Variants in SYMPK observed in about 807,000 individuals in gnomAD.
The protein encoded by SYMPK is symplekin.
Under a neutral mutation model 136.4 loss-of-function variants are expected in SYMPK, and 49 were observed. The observed-to-expected ratio is 0.36, with a 90% CI of 0.29 to 0.46. The LOEUF is 0.46. Ranked by LOEUF, SYMPK falls within the 20% of genes least tolerant of loss-of-function variation. The pLI, the probability that SYMPK is intolerant of heterozygous loss-of-function variation, is 1.00. For missense variants in SYMPK, 1,365 were observed against 1,690.0 expected (o/e 0.81, Z 3.37); for synonymous variants, 766 against 713.0 (o/e 1.07, Z -1.19).
rs576342057 is a variant in SYMPK at position 45,846,394 on chromosome 19, T to C, written c.676+1358A>G. On this transcript the variant is annotated intron_variant, in intron 7 of 26. Transcript: ENST00000245934. Reference sequence around the variant, plus strand: ...TTAAGTCAAAAAGGCTGTCAAACAATACATAAGAATAGTTAATATTTATGG... The same window carrying C: ...TTAAGTCAAAAAGGCTGTCAAACAACACATAAGAATAGTTAATATTTATGG... Among the ~76,000 whole-genome samples the C allele has an allele frequency of 1.6e-4, 25 of 152,312 alleles. No individual in the cohort carries two copies. The South Asian group carries it at 4.3e-3, about 26-fold the overall frequency.
At chr19:45,831,121 C>A in intron 12 of SYMPK, 1 of 330,230 alleles carries the variant, frequency 3.0e-6, no homozygotes, top group Non-Finnish European at 5.4e-6. Flanking sequence ...TTCTTTGATC[C>A]TTATGAGAAA....
chr19:45,817,879 T>G (rs1600488506), intron 23 of SYMPK, 80 bp downstream of exon 23: 2 of 1,405,640 alleles, frequency 1.4e-6, no homozygotes, highest in Non-Finnish European at 1.9e-6. Context: ...CCCTCCGGGG[T>G]CAGACGGGGG....
intron 4 of SYMPK, 21 bp from the exon 5 acceptor site, chr19:45,852,406 G>C (rs1320970698): frequency 6.2e-7 from 1 of 1,614,224 alleles, no homozygotes; most frequent in Admixed American, 1.7e-5. Context: ...TAGAGAGAAA[G>C]TGGATCAGGG....
intron 1 of SYMPK, among the ~76,000 whole-genome samples, chr19:45,857,082 C>A (rs551004707): frequency 6.6e-6 from 1 of 151,256 alleles, no homozygotes; most frequent in East Asian, 2.0e-4. Flanking sequence ...CACGCCACTG[C>A]ACTCCAGCCT....
At chr19:45,838,382 TGTGAA>T (rs1290765556) in intron 10 of SYMPK, 74 bp downstream of exon 10, 2 of 1,497,918 alleles carry the variant, frequency 1.3e-6, no homozygotes, top group Admixed American at 2.0e-5. Context: ...AGGTGGATGG[TGTGAA>T]GTGGAGGCAG....
At position 45,815,705 on chromosome 19, in the gene SYMPK, C is replaced by A. The variant is rs3810331; in HGVS notation, c.3688-8G>T. The A allele has an allele frequency of 0.87, 1,398,697 of 1,607,876 alleles. 608,951 individuals are homozygous for A. Among genetic ancestry groups the A allele is most frequent in the African/African-American group, 0.91 (68,165 of 74,830 alleles). ...CCCGCCCGCTGCCGTCTCCTGGTGA[C>A]CGGGGAAGGAAAGGGCAGCCGGGTG... On this transcript the variant is annotated splice_polypyrimidine_tract_variant and splice_region_variant and intron_variant, in intron 26 of 26. Transcript: ENST00000245934.
chr19:45,859,019 C>G (rs1418637876), intron 1 of SYMPK, among the ~76,000 whole-genome samples: 1 of 152,154 alleles, frequency 6.6e-6, no homozygotes, highest in African/African-American at 2.4e-5. Flanking sequence ...GCAATCCACC[C>G]TCCTTGGCCT....
chr19:45,846,835 C>T (rs144476211), intron 7 of SYMPK, among the ~76,000 whole-genome samples: 2 of 151,644 alleles, frequency 1.3e-5, no homozygotes, highest in African/African-American at 4.8e-5. Context: ...ATTCTGTCAC[C>T]CAGGCTGGAG....
chr19:45,834,826 A>C (rs936591967), intron 11 of SYMPK, among the ~76,000 whole-genome samples: 15 of 152,236 alleles, frequency 9.9e-5, no homozygotes, highest in African/African-American at 3.6e-4. Context: ...AGGTTAACTA[A>C]CTTGACCAAA....
chr19:45,831,656 G>T, intron 11 of SYMPK, 68 bp from the exon 12 acceptor site: 1 of 1,373,704 alleles, frequency 7.3e-7, no homozygotes, highest in Non-Finnish European at 9.9e-7. Flanking sequence ...AGGACCTCCT[G>T]TGTGCCTGGC....
At chr19:45,844,340 G>A (rs1214671342) in intron 7 of SYMPK, 140 bp from the exon 8 acceptor site, 1 of 629,544 alleles carries the variant, frequency 1.6e-6, no homozygotes, top group Non-Finnish European at 2.6e-6. Context: ...AAATGTGGTG[G>A]TTGATTAGTT....
chr19:45,858,717 G>C (rs139645865), intron 1 of SYMPK, among the ~76,000 whole-genome samples: 2 of 152,076 alleles, frequency 1.3e-5, no homozygotes, highest in African/African-American at 4.8e-5. Flanking sequence ...GTTTCTCCAT[G>C]TTGGTCAGGC....
intron 1 of SYMPK, among the ~76,000 whole-genome samples, chr19:45,859,961 A>C (rs909405811): frequency 0.011 from 1,618 of 149,436 alleles, 59 homozygotes; most frequent in African/African-American, 0.039. Context: ...TCTAAAAAAA[A>C]AAAAAAAAAA....
chr19:45,848,124 C>CAGTTACTG, intron 6 of SYMPK, 123 bp from the exon 7 acceptor site: 1 of 1,273,924 alleles, frequency 7.8e-7, no homozygotes, highest in South Asian at 1.6e-5. Context: ...ATTTGGTTAA[C>CAGTTACTG]AGTTACTGAG....
intron 9 of SYMPK, among the ~76,000 whole-genome samples, chr19:45,841,382 T>C (rs1390948696): frequency 1.3e-5 from 2 of 151,636 alleles, no homozygotes; most frequent in Non-Finnish European, 2.9e-5. Context: ...AACTTCTGCC[T>C]CCTGGGTTCA....
intron 7 of SYMPK, among the ~76,000 whole-genome samples, chr19:45,846,528 G>A (rs926335514): frequency 1.3e-5 from 2 of 152,152 alleles, no homozygotes; most frequent in African/African-American, 4.8e-5. Flanking sequence ...CAGGCTCAGA[G>A]ACAAGGGAAA....
chr19:45,841,759 T>C (rs1162261947), intron 9 of SYMPK, among the ~76,000 whole-genome samples: 5 of 152,058 alleles, frequency 3.3e-5, no homozygotes, highest in Non-Finnish European at 7.4e-5. Context: ...ATCTGATAAC[T>C]AAAACAAAGG....
intron 1 of SYMPK, among the ~76,000 whole-genome samples, chr19:45,859,656 T>C (rs1173424528): frequency 6.6e-6 from 1 of 151,578 alleles, no homozygotes; most frequent in Admixed American, 6.6e-5. Flanking sequence ...AGGACGGGTA[T>C]AGTGGCTCAC....
chr19:45,834,679 A>T (rs1971262824), intron 11 of SYMPK, among the ~76,000 whole-genome samples: 1 of 152,156 alleles, frequency 6.6e-6, no homozygotes, highest in Admixed American at 6.6e-5. Flanking sequence ...CTGTATCTTG[A>T]TCTGGGTGAT....
Sources: gnomAD v4.1 joint callset for allele counts (sites outside exome capture counted in the v4.1 genomes callset) on GRCh38, gnomAD v4.1.1 for gene constraint, MANE v1.5 for transcripts, NCBI Gene and HGNC (gene_info 2026-07-23, HGNC 2026-07-21) for gene names.